The following SGCZ variants were observed in gnomAD, a reference collection of about 807,000 sequenced individuals.
SGCZ encodes the protein sarcoglycan zeta, also known as zeta-sarcoglycan.
A neutral mutation model predicts 41.3 loss-of-function variants in SGCZ; 40 were observed. The observed-to-expected ratio is 0.97, with a 90% CI of 0.75 to 1.26. The LOEUF (loss-of-function observed/expected upper bound fraction) is 1.26, where lower values mean the gene tolerates loss of function less well. Ranked by LOEUF, SGCZ falls within the 50% of genes most tolerant of loss-of-function variation. SGCZ has a pLI of 0.00. For synonymous variants in SGCZ, 206 were observed against 137.5 expected, an observed-to-expected ratio of 1.50 and a Z score of -3.49; for missense variants, 552 against 369.8, an observed-to-expected ratio of 1.49 and a Z score of -4.04.
intron 1 of SGCZ, among the ~76,000 whole-genome samples, chr8:15,072,011 G>A (rs1805369900): frequency 6.6e-6 from 1 of 152,080 alleles, no homozygotes; most frequent in Non-Finnish European, 1.5e-5. Flanking sequence ...GATCTCTACT[G>A]CCTTGCATTG....
At chr8:14,112,223 G>A (rs1452285927) in intron 5 of SGCZ, among the ~76,000 whole-genome samples, 1 of 148,838 alleles carries the variant, frequency 6.7e-6, no homozygotes, top group East Asian at 1.9e-4. Context: ...AACTTTTGCT[G>A]GCCTTTATTT....
At chr8:14,975,847 T>C (rs1585428933) in intron 1 of SGCZ, among the ~76,000 whole-genome samples, 1 of 146,350 alleles carries the variant, frequency 6.8e-6, no homozygotes, top group Admixed American at 6.9e-5. Context: ...GAACTACTTA[T>C]CAGGCTTTAA....
At chr8:15,027,189 A>T (rs4348492) in intron 1 of SGCZ, among the ~76,000 whole-genome samples, 84,796 of 151,850 alleles carry the variant, frequency 0.56, 24,883 homozygotes, top group Non-Finnish European at 0.66. Context: ...TTTTTGACCC[A>T]CCTCTTACAG....
At chr8:14,388,378 C>G (rs1330819222) in intron 2 of SGCZ, among the ~76,000 whole-genome samples, 2 of 151,700 alleles carry the variant, frequency 1.3e-5, no homozygotes, top group Non-Finnish European at 2.9e-5. Context: ...GCCTGTGACT[C>G]AAAACACTTT....
intron 1 of SGCZ, among the ~76,000 whole-genome samples, chr8:14,626,421 A>G (rs968469186): frequency 1.3e-5 from 2 of 152,034 alleles, no homozygotes; most frequent in African/African-American, 4.8e-5. Flanking sequence ...CACTGGCCTT[A>G]GGTTTAATAT....
intron 2 of SGCZ, among the ~76,000 whole-genome samples, chr8:14,331,867 T>C (rs1802338861): frequency 6.6e-6 from 1 of 151,904 alleles, no homozygotes; most frequent in South Asian, 2.1e-4. Flanking sequence ...AAAAAAATTT[T>C]CATTTGTTTT....
chr8:14,509,641 G>C (rs1802411085), intron 2 of SGCZ, among the ~76,000 whole-genome samples: 1 of 152,070 alleles, frequency 6.6e-6, no homozygotes, highest in African/African-American at 2.4e-5. Context: ...GGATGTAGAG[G>C]CCTTTTCACT....
intron 2 of SGCZ, among the ~76,000 whole-genome samples, chr8:14,497,472 A>G (rs557337365): frequency 1.3e-5 from 2 of 152,308 alleles, no homozygotes; most frequent in East Asian, 3.9e-4. Context: ...AATGCAGCCC[A>G]GGACAGCTTT....
intron 1 of SGCZ, among the ~76,000 whole-genome samples, chr8:14,713,411 T>C (rs569195761): frequency 8.6e-4 from 131 of 152,082 alleles, no homozygotes; most frequent in African/African-American, 3.1e-3. Flanking sequence ...CAGACAAAAG[T>C]AGAAGGGAAA....
intron 3 of SGCZ, among the ~76,000 whole-genome samples, chr8:14,308,329 T>C (rs1801413415): frequency 6.6e-6 from 1 of 152,034 alleles, no homozygotes; most frequent in Non-Finnish European, 1.5e-5. Flanking sequence ...CAATAAACAA[T>C]GAGCTTTTAC....
intron 3 of SGCZ, among the ~76,000 whole-genome samples, chr8:14,259,953 T>G (rs1026005176): frequency 1.1e-4 from 16 of 152,222 alleles, no homozygotes; most frequent in African/African-American, 3.6e-4. Flanking sequence ...GCATGGAATG[T>G]TAATTTCCAT....
At chr8:14,855,406 C>A (rs1321816826) in intron 1 of SGCZ, among the ~76,000 whole-genome samples, 5 of 152,100 alleles carry the variant, frequency 3.3e-5, no homozygotes, top group African/African-American at 9.7e-5. Flanking sequence ...TCACTATATA[C>A]CTAGCCCATT....
At chr8:14,280,493 T>A (rs372938003) in intron 3 of SGCZ, among the ~76,000 whole-genome samples, 2 of 152,018 alleles carry the variant, frequency 1.3e-5, no homozygotes, top group South Asian at 2.1e-4. Flanking sequence ...AATTTTATAA[T>A]TAATCTTATA....
intron 1 of SGCZ, among the ~76,000 whole-genome samples, chr8:15,111,880 C>G (rs1807075593): frequency 6.8e-6 from 1 of 147,616 alleles, no homozygotes; most frequent in Non-Finnish European, 1.5e-5. Context: ...AGCCTGGCAA[C>G]AGAGCGAGAC....
intron 1 of SGCZ, among the ~76,000 whole-genome samples, chr8:14,600,591 G>A (rs979565196): frequency 2.6e-5 from 4 of 152,088 alleles, no homozygotes; most frequent in Non-Finnish European, 5.9e-5. Flanking sequence ...GGAGGATGCA[G>A]GTATAATCCA....
chr8:14,149,480 G>A (rs1803628650), intron 5 of SGCZ, among the ~76,000 whole-genome samples: 2 of 151,888 alleles, frequency 1.3e-5, no homozygotes, highest in Non-Finnish European at 2.9e-5. Flanking sequence ...AAAAATGTCA[G>A]TGATGGAAAC....
intron 1 of SGCZ, among the ~76,000 whole-genome samples, chr8:14,611,879 C>T (rs571938149): frequency 1.1e-4 from 17 of 152,194 alleles, no homozygotes; most frequent in Admixed American, 4.6e-4. Context: ...AAGCTTGTCA[C>T]TCATGAGCCA....
intron 1 of SGCZ, among the ~76,000 whole-genome samples, chr8:15,196,746 T>A (rs749656648): frequency 3.9e-5 from 6 of 152,228 alleles, no homozygotes; most frequent in Non-Finnish European, 1.5e-5. Flanking sequence ...TAACTCGTTA[T>A]CTAGCATTAG....
At chr8:14,354,987 G>A (rs1803242732) in intron 2 of SGCZ, among the ~76,000 whole-genome samples, 1 of 151,902 alleles carries the variant, frequency 6.6e-6, no homozygotes, top group Admixed American at 6.6e-5. Context: ...AATATTTGCT[G>A]AATATTTTCA....
Sources: allele counts gnomAD v4.1 joint callset (sites outside exome capture counted in the v4.1 genomes callset), GRCh38; gene constraint gnomAD v4.1.1; transcripts MANE v1.5; gene names NCBI Gene and HGNC (gene_info 2026-07-23, HGNC 2026-07-21).